The following TPGS1 variants were observed in gnomAD, a reference collection of about 807,000 sequenced individuals.
TPGS1 encodes the protein gene trap ROSA b-geo 22.
TPGS1 carries 18 observed loss-of-function variants against 11.9 expected under a neutral mutation model. That is an observed-to-expected ratio of 1.51 (90% CI 1.04 to 2.24). The LOEUF is 2.24. Among genes scored for constraint, TPGS1 ranks in the 30% most tolerant of loss-of-function variants. TPGS1 has a pLI of 0.00. For missense variants in TPGS1, 500 were observed against 443.0 expected, an observed-to-expected ratio of 1.13 and a Z score of -1.16; for synonymous variants, 247 against 218.2, an observed-to-expected ratio of 1.13 and a Z score of -1.16.
chr19:516,492 C>G (rs1978959179), intron 1 of TPGS1, among the ~76,000 whole-genome samples: 1 of 151,650 alleles, frequency 6.6e-6, no homozygotes, highest in Non-Finnish European at 1.5e-5. Flanking sequence ...TCAAGCGATT[C>G]TCCTGCCTCA....
intron 1 of TPGS1, among the ~76,000 whole-genome samples, chr19:518,636 G>T (rs562475007): frequency 1.9e-3 from 260 of 137,342 alleles, no homozygotes; most frequent in African/African-American, 7.0e-3. Flanking sequence ...CTTGGGGGAG[G>T]AGAGGCCCGG....
In TPGS1 at chr19:507,699, G is replaced by A; in HGVS notation, c.193G>A (p.Ala65Thr). 1 of 1,390,556 alleles carries A rather than the reference G, an allele frequency of 7.2e-7. No homozygotes were observed. Among genetic ancestry groups the A allele is most frequent in the East Asian group, 3.0e-5 (1 of 33,422 alleles). The allele number at this position is 1,390,556 out of a possible 1,614,324, so 86.1% of individuals were successfully genotyped here. Reference protein sequence around the residue: ...VLEARPEEPIAFLAHYFENMG... With the variant: ...VLEARPEEPITFLAHYFENMG... The stretch of plus-strand genomic sequence containing the variant: ...GGAGGCGCGGCCCGAGGAGCCGATC[G>A]CCTTCCTGGCTCACTACTTCGAGAA... Residue 65 changes from alanine to threonine, a missense_variant, in exon 1 of 2, where the codon GCC (alanine) becomes ACC (threonine). Ala to Thr is a moderately conservative substitution (Grantham distance 58). Coordinates refer to ENST00000359315, the MANE Select transcript of TPGS1 (RefSeq NM_033513.3).
At chr19:507,899 C>T (rs879325044) in intron 1 of TPGS1, 55 bp downstream of exon 1, 359 of 1,253,972 alleles carry the variant, frequency 2.9e-4, no homozygotes, top group Non-Finnish European at 6.6e-5. Context: ...CAACTCCCAG[C>T]ATGCCGCGCG....
intron 1 of TPGS1, chr19:508,121 C>G: frequency 2.8e-6 from 1 of 358,432 alleles, no homozygotes; most frequent in Non-Finnish European, 5.0e-6. Flanking sequence ...TTTCCCCTTG[C>G]AGTTCATGAT....
chr19:512,257 G>C (rs1022240372), intron 1 of TPGS1, among the ~76,000 whole-genome samples: 3 of 152,196 alleles, frequency 2.0e-5, no homozygotes, highest in African/African-American at 7.2e-5. Context: ...TCGACCGCCT[G>C]GGCTCAAGGG....
In TPGS1 at chr19:519,592, G is replaced by A. The variant is rs141580015; in HGVS notation, c.*169G>A. On this transcript the variant is annotated 3_prime_UTR_variant, in exon 2 of 2. Transcript: ENST00000359315. ...ACGCCCGGTCCCCACACAGCGCCGCGGCCGCCCCTCCACCCCCGCGGGAGC... is the reference window on the plus strand; with the variant it reads ...ACGCCCGGTCCCCACACAGCGCCGCAGCCGCCCCTCCACCCCCGCGGGAGC... The A allele has an allele frequency of 8.0e-6, 4 of 498,534 alleles. No individual in the cohort carries two copies. The highest frequency in any genetic ancestry group is 6.2e-5 in the African/African-American group (3 of 48,756). 30.9% of individuals were successfully genotyped at this position (498,534 alleles called of 1,614,324 possible). A position where few individuals can be genotyped will look rare whatever the true frequency, so the allele number is the denominator to read the frequency against.
chr19:516,930 T>G (rs1163502129), intron 1 of TPGS1, among the ~76,000 whole-genome samples: 1 of 152,148 alleles, frequency 6.6e-6, no homozygotes, highest in Non-Finnish European at 1.5e-5. Flanking sequence ...ATTTTAAAAT[T>G]TCTATGACTA....
chr19:507,569 C>A lies in TPGS1; in HGVS notation c.63C>A (p.Gly21=). The part of the protein sequence containing the change: ...VPPPAGFTDS[G]RQSVSRAAGA... Reference sequence around the variant, plus strand: ...CGCCGGCCGGTTTCACGGACAGCGGCCGCCAGTCGGTATCCCGGGCGGCGG... The same window carrying A: ...CGCCGGCCGGTTTCACGGACAGCGGACGCCAGTCGGTATCCCGGGCGGCGG... Residue 21 remains glycine, a synonymous_variant, in exon 1 of 2, where the codon GGC becomes GGA. Coordinates refer to ENST00000359315, the MANE Select transcript of TPGS1 (RefSeq NM_033513.3). The A allele has an allele frequency of 7.2e-7, 1 of 1,393,526 alleles. No individual in the cohort carries two copies. Among genetic ancestry groups the A allele is most frequent in the Non-Finnish European group, 9.4e-7 (1 of 1,069,410 alleles). 86.3% of individuals were successfully genotyped at this position (1,393,526 alleles called of 1,614,324 possible). A position where few individuals can be genotyped will look rare whatever the true frequency, so the allele number is the denominator to read the frequency against.
Position 519,150 on chromosome 19 carries a change from G to T in TPGS1, c.600G>T (p.Ala200=), listed in dbSNP as rs1231302074. ...VLLEFVARAG[A]LFQLLEDSAA... ...TGGAGTTCGTGGCGCGCGCCGGCGC[G>T]CTCTTCCAGCTGCTGGAGGACTCGG... Residue 200 remains alanine, a synonymous_variant, in exon 2 of 2, where the codon GCG becomes GCT. Transcript: ENST00000359315. The T allele has an allele frequency of 1.3e-6, 2 of 1,511,320 alleles. No homozygotes were observed. The highest frequency in any genetic ancestry group is 1.8e-6 in the Non-Finnish European group (2 of 1,137,434). The allele number at this position is 1,511,320 out of a possible 1,614,324, so 93.6% of individuals were successfully genotyped here. A position where few individuals can be genotyped will look rare whatever the true frequency, so the allele number is the denominator to read the frequency against.
chr19:515,055 G>T (rs968522995), intron 1 of TPGS1, among the ~76,000 whole-genome samples: 8 of 152,236 alleles, frequency 5.3e-5, no homozygotes, highest in African/African-American at 1.9e-4. Flanking sequence ...GAACATTTCA[G>T]CTTTGCGTGG....
Position 519,141 on chromosome 19 carries a change from C to T in TPGS1, c.591C>T (p.Arg197=). Residue 197 remains arginine, a synonymous_variant, in exon 2 of 2, where the codon CGC becomes CGT. Coordinates refer to ENST00000359315, the MANE Select transcript of TPGS1 (RefSeq NM_033513.3). ...TCGTGCTGCTGGAGTTCGTGGCGCG[C>T]GCCGGCGCGCTCTTCCAGCTGCTGG... ...TCFVLLEFVA[R]AGALFQLLED... is the part of the protein sequence containing the mutation. The T allele has an allele frequency of 6.6e-7, 1 of 1,514,474 alleles. No homozygotes were observed. The highest frequency in any genetic ancestry group is 8.8e-7 in the Non-Finnish European group (1 of 1,138,986). The allele number at this position is 1,514,474 out of a possible 1,614,324, so 93.8% of individuals were successfully genotyped here.
chr19:511,105 G>A lies in TPGS1; in HGVS notation c.338+3261G>A, dbSNP rs576249578. Among the ~76,000 whole-genome samples the A allele has an allele frequency of 1.6e-4, 25 of 152,352 alleles. 1 individual carries two copies. The highest frequency in any genetic ancestry group is 5.2e-4 in the Admixed American group (8 of 15,302). ...TTACAAACCGCTCTGTGTAGGAGCCGACACAGACGGAGCCCTGGCTGGGCT... is the reference window on the plus strand; with the variant it reads ...TTACAAACCGCTCTGTGTAGGAGCCAACACAGACGGAGCCCTGGCTGGGCT... On this transcript the variant is annotated intron_variant, in intron 1 of 1. Coordinates refer to ENST00000359315, the MANE Select transcript of TPGS1 (RefSeq NM_033513.3).
At position 519,439 on chromosome 19, in the gene TPGS1, C is replaced by T; in HGVS notation, c.*16C>T. 8.3e-7 allele frequency: 1 copy of T among 1,204,902 alleles called. No homozygotes were observed. The allele number at this position is 1,204,902 out of a possible 1,614,324, so 74.6% of individuals were successfully genotyped here. A position where few individuals can be genotyped will look rare whatever the true frequency, so the allele number is the denominator to read the frequency against. ...GGTGGGCTGAGGCCCGTGGGCCGCG[C>T]GGATCCGGGATCTGCGCTGGGGGGT... On this transcript the variant is annotated 3_prime_UTR_variant, in exon 2 of 2. Coordinates refer to ENST00000359315, the MANE Select transcript of TPGS1 (RefSeq NM_033513.3).
intron 1 of TPGS1, among the ~76,000 whole-genome samples, chr19:515,270 T>G (rs925345945): frequency 6.6e-6 from 1 of 152,070 alleles, no homozygotes; most frequent in African/African-American, 2.4e-5. Context: ...GAGCAGCAAC[T>G]GTCACCTGTA....
chr19:508,682 G>C (rs899173295), intron 1 of TPGS1: 1 of 152,584 alleles, frequency 6.6e-6, no homozygotes, highest in Non-Finnish European at 1.5e-5. Context: ...GGCAGGGAAG[G>C]ATGCCAAGCA....
In TPGS1 at chr19:518,944, C is replaced by A; in HGVS notation, c.394C>A (p.Arg132Ser). 6.3e-7 allele frequency: 1 copy of A among 1,580,252 alleles called. No homozygotes were observed. Among genetic ancestry groups the A allele is most frequent in the Non-Finnish European group, 8.5e-7 (1 of 1,170,176 alleles). ...CTACGAGTGCCTGAGCGCCGGCGGG[C>A]GCAGGAAGAGGCCGGGGCTGGACGG... ...VAYECLSAGG[R>S]RKRPGLDGRT... Residue 132 changes from arginine to serine, a missense_variant, in exon 2 of 2, where the codon CGC becomes AGC. Arg to Ser is a moderately radical substitution (Grantham distance 110, BLOSUM62 -1). Coordinates refer to ENST00000359315, the MANE Select transcript of TPGS1 (RefSeq NM_033513.3).
chr19:518,471 G>A, intron 1 of TPGS1, among the ~76,000 whole-genome samples: 1 of 119,940 alleles, frequency 8.3e-6, no homozygotes, highest in Admixed American at 8.0e-5. Flanking sequence ...GGCTGGGAGG[G>A]GGCTGAGAGG....
At chr19:512,565 G>A (rs1322295496) in intron 1 of TPGS1, among the ~76,000 whole-genome samples, 2 of 152,214 alleles carry the variant, frequency 1.3e-5, no homozygotes, top group East Asian at 1.9e-4. Flanking sequence ...CATTCCCGCT[G>A]AAAGTGGGCC....
intron 1 of TPGS1, among the ~76,000 whole-genome samples, chr19:518,043 GA>G (rs140326034): frequency 0.065 from 3,951 of 61,158 alleles, 759 homozygotes; most frequent in Admixed American, 0.1. Context: ...GGCCCAGGCT[GA>G]GGGGGTGCTG....
Sources: gnomAD v4.1 joint callset for allele counts (sites outside exome capture counted in the v4.1 genomes callset) on GRCh38, gnomAD v4.1.1 for gene constraint, MANE v1.5 for transcripts, NCBI Gene and HGNC (gene_info 2026-07-23, HGNC 2026-07-21) for gene names.